The following MICU3 variants were observed in gnomAD, a reference collection of about 807,000 sequenced individuals.
MICU3 encodes the protein mitochondrial calcium uptake 3, also known as calcium uptake protein 3, mitochondrial.
In MICU3, 62 loss-of-function variants were observed where a neutral mutation model predicts 66.5. The observed-to-expected ratio is 0.93, with a 90% CI of 0.76 to 1.15. MICU3 has a LOEUF of 1.15. Among genes scored for constraint, MICU3 ranks in the 50% most tolerant of loss-of-function variants. MICU3 has a pLI of 0.00. For missense variants in MICU3, 779 were observed against 664.4 expected, an observed-to-expected ratio of 1.17 and a Z score of -1.90; for synonymous variants, 308 against 240.7, an observed-to-expected ratio of 1.28 and a Z score of -2.59.
At chr8:17,050,700 A>G (rs2150568066) in intron 1 of MICU3, among the ~76,000 whole-genome samples, 1 of 152,270 alleles carries the variant, frequency 6.6e-6, no homozygotes, top group African/African-American at 2.4e-5. Context: ...TGTGTGTAAT[A>G]TCTTTTTGGT....
chr8:17,050,221 A>T (rs1815825703), intron 1 of MICU3, among the ~76,000 whole-genome samples: 1 of 152,182 alleles, frequency 6.6e-6, no homozygotes, highest in Non-Finnish European at 1.5e-5. Context: ...TTCTACATGT[A>T]GTAAGTAATG....
In MICU3 at chr8:17,043,100, C is replaced by T. The variant is rs369943331; in HGVS notation, c.381+15440C>T. 7.5e-3 allele frequency among the ~76,000 whole-genome samples: 1,131 copies of T among 151,574 alleles called. 13 individuals carry two copies. Among genetic ancestry groups the T allele is most frequent in the African/African-American group, 0.025 (1,049 of 41,168 alleles). On this transcript the variant is annotated intron_variant, in intron 1 of 14. Coordinates refer to ENST00000318063, the MANE Select transcript of MICU3 (RefSeq NM_181723.3). ...GACTACAGGCGCCCACCACCACGCC[C>T]GGCTAATTTTTTGTATTTTTAGTAG...
chr8:17,133,741 A>G, the MICU3 span, among the ~76,000 whole-genome samples: 4 of 152,162 alleles, frequency 2.6e-5, no homozygotes, highest in Non-Finnish European at 5.9e-5. Context: ...ATCCAGCACT[A>G]TTTATGGAAT....
chr8:17,104,698 A>T (rs1198670077), intron 10 of MICU3, among the ~76,000 whole-genome samples: 1 of 151,802 alleles, frequency 6.6e-6, no homozygotes, highest in Non-Finnish European at 1.5e-5. Flanking sequence ...GAATTTTTTT[A>T]AAAATTCCAG....
At chr8:17,106,472 A>C (rs1585529145) in intron 11 of MICU3, among the ~76,000 whole-genome samples, 1 of 151,670 alleles carries the variant, frequency 6.6e-6, no homozygotes, top group Non-Finnish European at 1.5e-5. Context: ...CCTAAAAATA[A>C]ATATTGAAAA....
chr8:17,103,805 A>G (rs185598898), intron 9 of MICU3, among the ~76,000 whole-genome samples: 2 of 151,994 alleles, frequency 1.3e-5, no homozygotes, highest in Admixed American at 6.6e-5. Flanking sequence ...AAAATTATAG[A>G]TCATATAAAT....
At chr8:17,090,513 A>G (rs1450450827) in intron 7 of MICU3, 33 bp from the exon 8 acceptor site, 10 of 1,593,686 alleles carry the variant, frequency 6.3e-6, no homozygotes, top group Non-Finnish European at 7.7e-6. Context: ...CTGAAATATG[A>G]CACTTCATTT....
At chr8:17,061,653 G>A (rs1301008465) in intron 1 of MICU3, among the ~76,000 whole-genome samples, 1 of 152,090 alleles carries the variant, frequency 6.6e-6, no homozygotes, top group Non-Finnish European at 1.5e-5. Context: ...GAAATTCACT[G>A]GTGATAAATC....
intron 1 of MICU3, among the ~76,000 whole-genome samples, chr8:17,027,935 T>A (rs1156763358): frequency 6.6e-6 from 1 of 151,818 alleles, no homozygotes; most frequent in Non-Finnish European, 1.5e-5. Context: ...CTCCCCCTCT[T>A]ACAAAAAAAG....
At chr8:17,057,262 A>G (rs578049691) in intron 1 of MICU3, among the ~76,000 whole-genome samples, 2 of 152,266 alleles carry the variant, frequency 1.3e-5, no homozygotes, top group Admixed American at 6.5e-5. Context: ...TGTCTCAGGC[A>G]CAGGTTGACA....
At chr8:17,055,227 A>G (rs1435088265) in intron 1 of MICU3, among the ~76,000 whole-genome samples, 1 of 152,118 alleles carries the variant, frequency 6.6e-6, no homozygotes, top group African/African-American at 2.4e-5. Flanking sequence ...GGAACTGTCA[A>G]CCTAAGTGAA....
chr8:17,125,270 T>C (rs1013905371), downstream of MICU3, among the ~76,000 whole-genome samples: 1 of 152,132 alleles, frequency 6.6e-6, no homozygotes, highest in Admixed American at 6.6e-5. Flanking sequence ...TTCTTTTTTC[T>C]TGAGTTTTCC....
rs113662885 is a variant in MICU3 at position 17,114,704 on chromosome 8, T to C, written c.1366+503T>C. Reference sequence around the variant, plus strand: ...CCCTTTTCCTAGGATCCTGTGGCTGTGATCACCTTCCCTCTCCTCATGGCC... The same window carrying C: ...CCCTTTTCCTAGGATCCTGTGGCTGCGATCACCTTCCCTCTCCTCATGGCC... On this transcript the variant is annotated intron_variant, in intron 12 of 14. Coordinates refer to ENST00000318063, the MANE Select transcript of MICU3 (RefSeq NM_181723.3). Among the ~76,000 whole-genome samples, 1,039 of 152,312 alleles carry C rather than the reference T, an allele frequency of 6.8e-3. 22 individuals carry two copies. The highest frequency in any genetic ancestry group is 0.024 in the African/African-American group (979 of 41,574).
intron 7 of MICU3, among the ~76,000 whole-genome samples, chr8:17,087,461 A>G (rs916273893): frequency 1.3e-5 from 2 of 152,138 alleles, no homozygotes; most frequent in African/African-American, 2.4e-5. Flanking sequence ...TTAGATGTAT[A>G]TATTAGAGAT....
chr8:17,099,210 A>G (rs188485284), intron 9 of MICU3, among the ~76,000 whole-genome samples: 377 of 151,888 alleles, frequency 2.5e-3, no homozygotes, highest in African/African-American at 8.7e-3. Flanking sequence ...CATATCTTAG[A>G]AAAACTGTTT....
At chr8:17,119,946 C>G (rs370758464) in intron 14 of MICU3, among the ~76,000 whole-genome samples, 59 of 152,018 alleles carry the variant, frequency 3.9e-4, no homozygotes, top group African/African-American at 1.3e-3. Flanking sequence ...CTTATAAATT[C>G]TTAAACTAAA....
chr8:17,127,307 G>C (rs1211676309), downstream of MICU3, among the ~76,000 whole-genome samples: 1 of 152,200 alleles, frequency 6.6e-6, no homozygotes, highest in African/African-American at 2.4e-5. Context: ...ATTACAGTGA[G>C]TGTACAGAAG....
chr8:17,090,145 G>C (rs990756970), intron 7 of MICU3, among the ~76,000 whole-genome samples: 1 of 152,024 alleles, frequency 6.6e-6, no homozygotes, highest in Non-Finnish European at 1.5e-5. Context: ...CAGCAGAGCA[G>C]GATTCCAGCA....
intron 1 of MICU3, among the ~76,000 whole-genome samples, chr8:17,058,589 T>C (rs1758552542): frequency 6.6e-6 from 1 of 152,232 alleles, no homozygotes; most frequent in Admixed American, 6.5e-5. Flanking sequence ...GACTTTGGGG[T>C]TTTTTTAAAC....
Sources: gnomAD v4.1 joint callset for allele counts (sites outside exome capture counted in the v4.1 genomes callset) on GRCh38, gnomAD v4.1.1 for gene constraint, MANE v1.5 for transcripts, NCBI Gene and HGNC (gene_info 2026-07-23, HGNC 2026-07-21) for gene names.